The following LMX1A variants were observed in gnomAD, a reference collection of about 807,000 sequenced individuals.
The protein encoded by LMX1A is LIM homeobox transcription factor 1 alpha, also known as LIM homeobox transcription factor 1-alpha.
In LMX1A, 15 loss-of-function variants were observed where a neutral mutation model predicts 49.1. The ratio of observed to expected loss-of-function variants is 0.31; its 90% CI spans 0.20 to 0.47. The LOEUF is 0.47. LMX1A is among the 20% of genes least tolerant of loss of function. The pLI, the probability that LMX1A is intolerant of heterozygous loss-of-function variation, is 1.00. For missense variants in LMX1A, 372 were observed against 475.8 expected (o/e 0.78, Z 2.03); for synonymous variants, 167 against 185.7 (o/e 0.90, Z 0.82).
At position 165,353,218 on chromosome 1, in the gene LMX1A, C is replaced by G; in HGVS notation, c.121G>C (p.Val41Leu). The G allele has an allele frequency of 6.2e-7, 1 of 1,613,872 alleles. No individual in the cohort carries two copies. Among genetic ancestry groups the G allele is most frequent in the Non-Finnish European group, 8.5e-7 (1 of 1,180,022 alleles). Residue 41 changes from valine to leucine, a missense_variant, in exon 3 of 9, where the codon GTC becomes CTC. Coordinates refer to ENST00000342310, the MANE Select transcript of LMX1A (RefSeq NM_177398.4). ...PKSVCEGCQR[V>L]ILDRFLLRLN... is the part of the protein sequence containing the mutation. ...CGCAGCAGAAACCTGTCCAAGATGA[C>G]CCGCTGACAGCCCTCGCAGACAGAC...
chr1:165,214,935 A>T (rs530628019), intron 4 of LMX1A, among the ~76,000 whole-genome samples: 2 of 152,308 alleles, frequency 1.3e-5, no homozygotes, highest in South Asian at 4.1e-4. Context: ...TACCTCTTAC[A>T]TTCCACAGAC....
chr1:165,313,758 A>C (rs1008767540), intron 3 of LMX1A, among the ~76,000 whole-genome samples: 2 of 152,090 alleles, frequency 1.3e-5, no homozygotes, highest in African/African-American at 2.4e-5. Flanking sequence ...AGGCCAGAGG[A>C]CAGATGAGTT....
intron 3 of LMX1A, among the ~76,000 whole-genome samples, chr1:165,321,628 A>T (rs1360482248): frequency 6.6e-6 from 1 of 152,220 alleles, no homozygotes; most frequent in African/African-American, 2.4e-5. Flanking sequence ...AATGGACCAA[A>T]GACCTAATTG....
At chr1:165,309,846 T>C (rs1386167296) in intron 3 of LMX1A, among the ~76,000 whole-genome samples, 2 of 152,186 alleles carry the variant, frequency 1.3e-5, no homozygotes, top group Admixed American at 1.3e-4. Flanking sequence ...AGAGAGGATG[T>C]ATTCCATCCC....
chr1:165,352,718 CG>C (rs1463160193), intron 3 of LMX1A, among the ~76,000 whole-genome samples: 3 of 152,330 alleles, frequency 2.0e-5, no homozygotes, highest in African/African-American at 7.2e-5. Context: ...CAGGGCACCC[CG>C]GTAAAAGAGG....
Position 165,295,529 on chromosome 1 carries a change from A to AT in LMX1A, c.264-45890dup, listed in dbSNP as rs550964135. 1.5e-4 allele frequency among the ~76,000 whole-genome samples: 23 copies of AT among 151,196 alleles called. 1 individual carries two copies. The South Asian group carries it at 4.4e-3, about 29-fold the overall frequency. ...ATCACCTTGACAAACTTGAAGATTC[A>AT]TTTTTTCCCAACTCCCAGATATAAG... is the stretch of plus-strand genomic sequence containing the variant. On this transcript the variant is annotated intron_variant, in intron 3 of 8. Transcript: ENST00000342310.
intron 4 of LMX1A, among the ~76,000 whole-genome samples, chr1:165,237,946 T>C (rs1167853210): frequency 6.6e-6 from 1 of 152,204 alleles, no homozygotes; most frequent in African/African-American, 2.4e-5. Flanking sequence ...CCGATCCTTA[T>C]TACACAATAG....
intron 4 of LMX1A, among the ~76,000 whole-genome samples, chr1:165,246,257 C>T (rs1031136356): frequency 2.0e-5 from 3 of 152,144 alleles, no homozygotes; most frequent in African/African-American, 7.2e-5. Context: ...GAAGTTTGTC[C>T]TCTCAGTAGA....
At position 165,205,909 on chromosome 1, in the gene LMX1A, C is replaced by A. The variant is rs1422251385; in HGVS notation, c.943G>T (p.Gly315Cys). ...CCAGGCATCTGGGGTGGGGTGAGACCCTGTCGGAAGGGATCTGAGCTGTAG... is the reference window on the plus strand; with the variant it reads ...CCAGGCATCTGGGGTGGGGTGAGACACTGTCGGAAGGGATCTGAGCTGTAG... ...SVYSSDPFRQ[G>C]LTPPQMPGDH... The change falls in exon 8 of 9, where the codon GGT becomes TGT. Residue 315 changes from glycine (G) to cysteine (C), a missense_variant. This residue lies in a region of LMX1A where 127 missense variants were observed against 138.0 expected (regional missense o/e 0.92). Coordinates refer to ENST00000342310, the MANE Select transcript of LMX1A (RefSeq NM_177398.4). 6.2e-7 allele frequency: 1 copy of A among 1,613,974 alleles called. No homozygotes were observed. The highest frequency in any genetic ancestry group is 1.7e-5 in the Admixed American group (1 of 60,008).
At chr1:165,292,869 A>T (rs934024980) in intron 3 of LMX1A, among the ~76,000 whole-genome samples, 2 of 152,208 alleles carry the variant, frequency 1.3e-5, no homozygotes, top group Non-Finnish European at 2.9e-5. Context: ...CTGTAATCCC[A>T]GCACTTTGGG....
At chr1:165,318,887 TC>T (rs1655296153) in intron 3 of LMX1A, among the ~76,000 whole-genome samples, 1 of 152,092 alleles carries the variant, frequency 6.6e-6, no homozygotes, top group Admixed American at 6.6e-5. Context: ...ATCCTCAGAA[TC>T]TTGTAACGTG....
intron 3 of LMX1A, among the ~76,000 whole-genome samples, chr1:165,315,028 A>G (rs140827156): frequency 2.0e-5 from 3 of 152,266 alleles, no homozygotes; most frequent in East Asian, 3.9e-4. Context: ...GACTGATCAG[A>G]TACCTATACA....
intron 4 of LMX1A, among the ~76,000 whole-genome samples, chr1:165,234,193 A>AGCCCTTCCTCTC (rs1301962584): frequency 6.6e-6 from 1 of 152,196 alleles, no homozygotes; most frequent in East Asian, 1.9e-4. Context: ...ACTACAATCC[A>AGCCCTTCCTCTC]GCCCTTCCTC....
intron 3 of LMX1A, among the ~76,000 whole-genome samples, chr1:165,339,478 C>T (rs1268880343): frequency 6.6e-6 from 1 of 152,096 alleles, no homozygotes; most frequent in African/African-American, 2.4e-5. Context: ...GGATCAGGAG[C>T]AAAAACAAAA....
intron 3 of LMX1A, among the ~76,000 whole-genome samples, chr1:165,333,427 G>A (rs1655808093): frequency 6.6e-6 from 1 of 152,142 alleles, no homozygotes; most frequent in East Asian, 1.9e-4. Flanking sequence ...CCAAAGTGCT[G>A]AGATTACAGG....
rs71097567 is a variant in LMX1A at position 165,247,054 on chromosome 1, C to CTTTTTTTTT, written c.496+2345_496+2353dup. Among the ~76,000 whole-genome samples, 491 of 53,208 alleles carry CTTTTTTTTT rather than the reference C, an allele frequency of 9.2e-3. 120 individuals are homozygous for CTTTTTTTTT. The highest frequency in any genetic ancestry group is 0.017 in the African/African-American group (232 of 13,900). 34.9% of individuals were successfully genotyped at this position (53,208 alleles called of 152,430 possible). On this transcript the variant is annotated intron_variant, in intron 4 of 8. Transcript: ENST00000342310. ...GTTACTTAGATCAGATCAGCTTTTT[C>CTTTTTTTTT]TTTTTTTTTTTTTTTTTTTTTTTTT...
intron 3 of LMX1A, among the ~76,000 whole-genome samples, chr1:165,272,538 G>T (rs1653826936): frequency 6.6e-6 from 1 of 152,004 alleles, no homozygotes; most frequent in Non-Finnish European, 1.5e-5. Context: ...AGGCCAGAGA[G>T]TGTGCACCCC....
chr1:165,243,513 G>A lies in LMX1A; in HGVS notation c.496+5895C>T, dbSNP rs560612936. Among the ~76,000 whole-genome samples the A allele has an allele frequency of 1.8e-4, 28 of 152,312 alleles. No homozygotes were observed. In the East Asian group the frequency reaches 2.1e-3, roughly 12 times the overall value. ...CTTGGTTGTACCTTTGAAAAAGATC[G>A]TAGTATTTTCATAGATAGAAAACAG... On this transcript the variant is annotated intron_variant, in intron 4 of 8. Transcript: ENST00000342310.
At chr1:165,231,695 G>A (rs1652246856) in intron 4 of LMX1A, among the ~76,000 whole-genome samples, 4 of 152,024 alleles carry the variant, frequency 2.6e-5, no homozygotes, top group Admixed American at 2.6e-4. Flanking sequence ...CCTGTGTTTG[G>A]TGCAAAATTA....
Sources: allele counts gnomAD v4.1 joint callset (sites outside exome capture counted in the v4.1 genomes callset), GRCh38; gene constraint gnomAD v4.1.1; regional missense constraint gnomAD v4.1.1; transcripts MANE v1.5; gene names NCBI Gene and HGNC (gene_info 2026-07-23, HGNC 2026-07-21).